Variants in C2orf66 observed in about 807,000 individuals in gnomAD.
C2orf66 encodes the protein chromosome 2 open reading frame 66.
In C2orf66, 6 loss-of-function variants were observed where a neutral mutation model predicts 7.0. The observed-to-expected ratio is 0.86, with a 90% CI of 0.47 to 1.69. The LOEUF (loss-of-function observed/expected upper bound fraction) is 1.69, where lower values mean the gene tolerates loss of function less well. C2orf66 is among the 40% of genes most tolerant of loss of function. The probability of loss-of-function intolerance (pLI) is 0.01; values close to 1 mark genes in which losing one functional copy is unlikely to be tolerated. For missense variants in C2orf66, 107 were observed against 112.0 expected, an observed-to-expected ratio of 0.96 and a Z score of 0.20; for synonymous variants, 38 against 43.8, an observed-to-expected ratio of 0.87 and a Z score of 0.52.
chr2:196,807,513 T>A lies in C2orf66; in HGVS notation c.233A>T (p.Glu78Val), dbSNP rs368999592. 116 of 1,613,694 alleles carry A rather than the reference T, an allele frequency of 7.2e-5. No homozygotes were observed. The highest frequency in any genetic ancestry group is 9.6e-5 in the Non-Finnish European group (113 of 1,179,798). The change falls in exon 2 of 3, where the codon GAA (glutamate) becomes GTA (valine). Residue 78 changes from glutamate to valine, a missense_variant. Coordinates refer to ENST00000342506, the MANE Select transcript of C2orf66 (RefSeq NM_213608.3). The part of the protein sequence containing the change: ...ENPRPLSFQS[E>V]LTASASADYE... The stretch of plus-strand genomic sequence containing the variant: ...ATCTGCAGATGCAGAAGCAGTAAGT[T>A]CTGACTGGAAAGAGAGAGGTCTAGG...
chr2:196,809,805 GAGAC>G (rs1265520914), upstream of C2orf66: 3 of 154,740 alleles, frequency 1.9e-5, no homozygotes, highest in South Asian at 2.0e-4. Flanking sequence ...ACACACATCT[GAGAC>G]AGACAGACAC....
intron 2 of C2orf66, among the ~76,000 whole-genome samples, chr2:196,807,087 T>C (rs535790986): frequency 6.6e-6 from 1 of 152,324 alleles, no homozygotes; most frequent in Admixed American, 6.5e-5. Flanking sequence ...ATTTTCCACA[T>C]AACTTAGCTA....
chr2:196,813,280 T>C (rs551279618), upstream of C2orf66, among the ~76,000 whole-genome samples: 4 of 152,264 alleles, frequency 2.6e-5, no homozygotes, highest in African/African-American at 9.6e-5. Context: ...ACCACACATC[T>C]ACAACCATCT....
the C2orf66 span, among the ~76,000 whole-genome samples, chr2:196,827,403 CCTTT>C: frequency 6.6e-6 from 1 of 152,102 alleles, no homozygotes; most frequent in African/African-American, 2.4e-5. Flanking sequence ...TAATCTACTT[CCTTT>C]CTTAACATAA....
chr2:196,824,578 A>G, the C2orf66 span, among the ~76,000 whole-genome samples: 2 of 152,230 alleles, frequency 1.3e-5, no homozygotes, highest in Non-Finnish European at 2.9e-5. Flanking sequence ...AACTTTCTAA[A>G]TTTAAAACTG....
chr2:196,827,418 A>C, the C2orf66 span, among the ~76,000 whole-genome samples: 1 of 152,026 alleles, frequency 6.6e-6, no homozygotes, highest in African/African-American at 2.4e-5. Context: ...CTTAACATAA[A>C]TTCTTTTTTT....
At chr2:196,822,247 A>T in the C2orf66 span, among the ~76,000 whole-genome samples, 1 of 152,128 alleles carries the variant, frequency 6.6e-6, no homozygotes. Flanking sequence ...GGGGAAAAAA[A>T]TTAACAAAGA....
the C2orf66 span, among the ~76,000 whole-genome samples, chr2:196,825,541 C>T: frequency 6.6e-6 from 1 of 152,146 alleles, no homozygotes; most frequent in Admixed American, 6.5e-5. Flanking sequence ...ATCAAAACAT[C>T]ATGTTGTACA....
chr2:196,830,157 T>C, the C2orf66 span, among the ~76,000 whole-genome samples: 4 of 152,312 alleles, frequency 2.6e-5, no homozygotes, highest in East Asian at 1.9e-4. Flanking sequence ...ACAGCATTTC[T>C]AGTTGTTTCT....
At chr2:196,815,251 G>T in the C2orf66 span, among the ~76,000 whole-genome samples, 1 of 151,990 alleles carries the variant, frequency 6.6e-6, no homozygotes, top group Non-Finnish European at 1.5e-5. Flanking sequence ...TTTCAGGCAT[G>T]AGCCACCATG....
chr2:196,810,959 T>C (rs1339077223), upstream of C2orf66, among the ~76,000 whole-genome samples: 1 of 152,208 alleles, frequency 6.6e-6, no homozygotes, highest in African/African-American at 2.4e-5. Context: ...TTCTATGAAA[T>C]AGCGAGTGCT....
intron 1 of C2orf66, 61 bp from the exon 2 acceptor site, chr2:196,807,683 T>C (rs1321910462): frequency 7.3e-7 from 1 of 1,374,548 alleles, no homozygotes; most frequent in African/African-American, 1.5e-5. Context: ...AATAAAGGTG[T>C]TTTTCTTCCC....
chr2:196,804,626 C>A lies in C2orf66; in HGVS notation c.*802G>T, dbSNP rs1699799723. Among the ~76,000 whole-genome samples, 1 of 152,180 alleles carries A rather than the reference C, an allele frequency of 6.6e-6. No homozygotes were observed. Among genetic ancestry groups the A allele is most frequent in the Admixed American group, 6.5e-5 (1 of 15,278 alleles). On this transcript the variant is annotated 3_prime_UTR_variant, in exon 3 of 3. Coordinates refer to ENST00000342506, the MANE Select transcript of C2orf66 (RefSeq NM_213608.3). Reference sequence around the variant, plus strand: ...CTATTCCAAATGTGAGTATGGGAATCAGAATAACTCAGCATGAGCTAGAGT... The same window carrying A: ...CTATTCCAAATGTGAGTATGGGAATAAGAATAACTCAGCATGAGCTAGAGT...
chr2:196,831,064 T>C, the C2orf66 span, among the ~76,000 whole-genome samples: 3 of 152,204 alleles, frequency 2.0e-5, no homozygotes, highest in East Asian at 5.8e-4. Flanking sequence ...AAAACAGCAA[T>C]ACTCTAAATG....
chr2:196,806,956 T>C (rs904718274), intron 2 of C2orf66, among the ~76,000 whole-genome samples: 7 of 152,188 alleles, frequency 4.6e-5, no homozygotes, highest in Admixed American at 3.9e-4. Flanking sequence ...CTTTTCTTCC[T>C]ATAGGTGAGG....
chr2:196,820,201 A>G, the C2orf66 span, among the ~76,000 whole-genome samples: 1 of 152,258 alleles, frequency 6.6e-6, no homozygotes, highest in African/African-American at 2.4e-5. Context: ...AATTATTATT[A>G]GTACAGCTTT....
At chr2:196,825,367 C>T in the C2orf66 span, among the ~76,000 whole-genome samples, 1 of 151,896 alleles carries the variant, frequency 6.6e-6, no homozygotes, top group Non-Finnish European at 1.5e-5. Flanking sequence ...TGAGATAACA[C>T]CTCACATGTT....
At chr2:196,823,877 G>A in the C2orf66 span, among the ~76,000 whole-genome samples, 1 of 152,082 alleles carries the variant, frequency 6.6e-6, no homozygotes, top group Non-Finnish European at 1.5e-5. Flanking sequence ...CACAGACTCA[G>A]AGAGGCTAAA....
At chr2:196,827,541 A>G in the C2orf66 span, among the ~76,000 whole-genome samples, 2 of 152,136 alleles carry the variant, frequency 1.3e-5, no homozygotes, top group East Asian at 3.8e-4. Context: ...TACCATGTAC[A>G]ATGCTGTATT....
Sources: gnomAD v4.1 joint callset for allele counts (sites outside exome capture counted in the v4.1 genomes callset) on GRCh38, gnomAD v4.1.1 for gene constraint, MANE v1.5 for transcripts, NCBI Gene and HGNC (gene_info 2026-07-23, HGNC 2026-07-21) for gene names.